The following CIB4 variants were observed in gnomAD, a reference collection of about 807,000 sequenced individuals.
The protein encoded by CIB4 is calcium and integrin binding family member 4.
A neutral mutation model predicts 25.8 loss-of-function variants in CIB4; 25 were observed. The ratio of observed to expected loss-of-function variants is 0.97; its 90% CI spans 0.71 to 1.35. The LOEUF (loss-of-function observed/expected upper bound fraction) is 1.35. Among genes scored for constraint, CIB4 ranks in the 40% most tolerant of loss-of-function variants. The pLI is 0.00. For missense variants in CIB4, 235 were observed against 228.2 expected (o/e 1.03, Z -0.19); for synonymous variants, 75 against 81.4 (o/e 0.92, Z 0.42).
chr2:26,596,640 G>C (rs759335473), intron 3 of CIB4, among the ~76,000 whole-genome samples: 1 of 151,908 alleles, frequency 6.6e-6, no homozygotes, highest in Non-Finnish European at 1.5e-5. Flanking sequence ...CCAGCTACTC[G>C]GGAGGCTGAG....
chr2:26,626,133 G>A (rs1453877899), intron 3 of CIB4, among the ~76,000 whole-genome samples: 1 of 152,190 alleles, frequency 6.6e-6, no homozygotes, highest in African/African-American at 2.4e-5. Flanking sequence ...TTTGGTTACT[G>A]TAGCCTTATA....
At chr2:26,585,810 C>G (rs1020453757) in intron 4 of CIB4, among the ~76,000 whole-genome samples, 2 of 152,078 alleles carry the variant, frequency 1.3e-5, no homozygotes, top group African/African-American at 4.8e-5. Flanking sequence ...CCTTCCTGCT[C>G]CTACCCAATA....
chr2:26,588,977 CT>C (rs879375719), intron 4 of CIB4, among the ~76,000 whole-genome samples: 9,045 of 89,232 alleles, frequency 0.1, 2,011 homozygotes, highest in African/African-American at 0.13. Context: ...GCCGCTTCTT[CT>C]TTCTTCTTCT....
At chr2:26,618,591 C>T (rs1669140960) in intron 3 of CIB4, among the ~76,000 whole-genome samples, 1 of 152,172 alleles carries the variant, frequency 6.6e-6, no homozygotes, top group Admixed American at 6.5e-5. Flanking sequence ...TGGGCCACCG[C>T]ACCCAGTCAA....
At chr2:26,616,430 G>T (rs879544622) in intron 3 of CIB4, among the ~76,000 whole-genome samples, 6 of 152,334 alleles carry the variant, frequency 3.9e-5, no homozygotes, top group Non-Finnish European at 7.3e-5. Flanking sequence ...GGGAGGCCAG[G>T]CTGGGCCCTT....
Position 26,589,087 on chromosome 2 carries a change from T to C in CIB4, c.329-5189A>G, listed in dbSNP as rs1453136063. ...CTTCCTCTTCCTCTTCTTCTTCTTC[T>C]TCTTCTTCTTCTTCTTCTTCCTCTT... On this transcript the variant is annotated intron_variant, in intron 4 of 6. Transcript: ENST00000288861. Among the ~76,000 whole-genome samples the C allele has an allele frequency of 2.1e-3, 197 of 93,316 alleles. 14 individuals are homozygous for C. The highest frequency in any genetic ancestry group is 8.9e-3 in the African/African-American group (141 of 15,796). The allele number at this position is 93,316 out of a possible 152,430, so 61.2% of individuals were successfully genotyped here.
At chr2:26,639,662 C>A (rs1669599287) in intron 2 of CIB4, among the ~76,000 whole-genome samples, 1 of 152,018 alleles carries the variant, frequency 6.6e-6, no homozygotes. Context: ...TGGTTAGCTC[C>A]CCGTGCCCTG....
chr2:26,636,411 G>C (rs1439300102), intron 2 of CIB4, among the ~76,000 whole-genome samples: 1 of 152,044 alleles, frequency 6.6e-6, no homozygotes, highest in Non-Finnish European at 1.5e-5. Flanking sequence ...GCAGAAATAA[G>C]TACCTCTCAA....
At chr2:26,602,800 G>A (rs113004036) in intron 3 of CIB4, among the ~76,000 whole-genome samples, 2,584 of 152,266 alleles carry the variant, frequency 0.017, 77 homozygotes, top group African/African-American at 0.059. Flanking sequence ...AGTGGCTCAC[G>A]CCTGTAATCT....
At position 26,582,657 on chromosome 2, in the gene CIB4, T is replaced by G. The variant is rs146950167; in HGVS notation, c.527+168A>C. 2.8e-3 allele frequency among the ~76,000 whole-genome samples: 419 copies of G among 152,280 alleles called. 2 individuals are homozygous for G. Among genetic ancestry groups the G allele is most frequent in the African/African-American group, 9.4e-3 (390 of 41,564 alleles). On this transcript the variant is annotated intron_variant, in intron 6 of 6. Transcript: ENST00000288861. ...TTTTAATACCCCAGGGTTACCTAAT[T>G]TCTCAGAATCTCCAGTTTTGCTGAC...
At chr2:26,593,945 G>A (rs1249940148) in intron 4 of CIB4, among the ~76,000 whole-genome samples, 1 of 152,170 alleles carries the variant, frequency 6.6e-6, no homozygotes, top group Non-Finnish European at 1.5e-5. Context: ...ACTTTGTAGG[G>A]GCTGTGTGTG....
intron 4 of CIB4, among the ~76,000 whole-genome samples, chr2:26,590,236 G>A (rs1449788772): frequency 1.5e-5 from 2 of 132,000 alleles, no homozygotes; most frequent in African/African-American, 5.5e-5. Flanking sequence ...TCAGGTCCCT[G>A]GAGCTGGGGC....
chr2:26,585,143 G>C (rs2148187634), intron 4 of CIB4, among the ~76,000 whole-genome samples: 1 of 152,288 alleles, frequency 6.6e-6, no homozygotes, highest in African/African-American at 2.4e-5. Flanking sequence ...GCCTAAATGG[G>C]TCTTCTCAAC....
chr2:26,616,258 C>T (rs1355938075), intron 3 of CIB4, among the ~76,000 whole-genome samples: 1 of 152,220 alleles, frequency 6.6e-6, no homozygotes, highest in Non-Finnish European at 1.5e-5. Flanking sequence ...GGCCTGAGGT[C>T]AGCCGAATGC....
At chr2:26,630,926 C>A (rs1023148371) in intron 2 of CIB4, among the ~76,000 whole-genome samples, 1 of 152,062 alleles carries the variant, frequency 6.6e-6, no homozygotes, top group African/African-American at 2.4e-5. Context: ...AGAGTGGGAG[C>A]CCACCACCCT....
Position 26,622,647 on chromosome 2 carries a change from G to A in CIB4, c.186+6763C>T, listed in dbSNP as rs116350462. 6.0e-3 allele frequency among the ~76,000 whole-genome samples: 912 copies of A among 152,112 alleles called. 4 individuals carry two copies. Among genetic ancestry groups the A allele is most frequent in the African/African-American group, 0.021 (883 of 41,468 alleles). On this transcript the variant is annotated intron_variant, in intron 3 of 6. Transcript: ENST00000288861. Reference sequence around the variant, plus strand: ...GAGGAAATGTGGCAACCCTCATAGGGCAACTTAACTCCTGGCACACATGAA... The same window carrying A: ...GAGGAAATGTGGCAACCCTCATAGGACAACTTAACTCCTGGCACACATGAA...
chr2:26,613,636 G>C (rs946275385), intron 3 of CIB4, among the ~76,000 whole-genome samples: 3 of 152,204 alleles, frequency 2.0e-5, no homozygotes, highest in Non-Finnish European at 4.4e-5. Context: ...TTTTCAGATG[G>C]GGAAAGCTGA....
intron 3 of CIB4, among the ~76,000 whole-genome samples, chr2:26,595,643 C>T (rs183880318): frequency 1.1e-4 from 17 of 152,354 alleles, no homozygotes; most frequent in African/African-American, 3.8e-4. Flanking sequence ...GAGTCCTTCT[C>T]TATGAGGTAG....
At chr2:26,606,663 G>A (rs914803933) in intron 3 of CIB4, among the ~76,000 whole-genome samples, 1 of 152,318 alleles carries the variant, frequency 6.6e-6, no homozygotes, top group African/African-American at 2.4e-5. Context: ...TTTCTGGGGC[G>A]CTGGGGTCCA....
Sources: gnomAD v4.1 joint callset for allele counts (sites outside exome capture counted in the v4.1 genomes callset) on GRCh38, gnomAD v4.1.1 for gene constraint, MANE v1.5 for transcripts, NCBI Gene and HGNC (gene_info 2026-07-23, HGNC 2026-07-21) for gene names.